Variants in TMEM232 observed in about 807,000 individuals in gnomAD.
TMEM232 encodes transmembrane protein 232.
TMEM232 carries 80 observed loss-of-function variants against 78.8 expected under a neutral mutation model. The ratio of observed to expected loss-of-function variants is 1.01; its 90% CI spans 0.85 to 1.22. The LOEUF (loss-of-function observed/expected upper bound fraction) is 1.22. Ranked by LOEUF, TMEM232 falls within the 50% of genes most tolerant of loss-of-function variation. The pLI is 0.00. For synonymous variants in TMEM232, 297 were observed against 254.3 expected (o/e 1.17, Z -1.60); for missense variants, 881 against 742.2 (o/e 1.19, Z -2.17).
At chr5:110,462,056 A>G (rs1761590248) in intron 12 of TMEM232, among the ~76,000 whole-genome samples, 1 of 152,196 alleles carries the variant, frequency 6.6e-6, no homozygotes, top group Non-Finnish European at 1.5e-5. Flanking sequence ...AAATCTTCTA[A>G]TTTAAGAAAT....
At chr5:110,731,814 G>T (rs974566498) in intron 2 of TMEM232, among the ~76,000 whole-genome samples, 14 of 152,330 alleles carry the variant, frequency 9.2e-5, no homozygotes, top group Admixed American at 5.2e-4. Flanking sequence ...CCATGGTCTT[G>T]GGGATTAACA....
intron 12 of TMEM232, among the ~76,000 whole-genome samples, chr5:110,496,449 T>C (rs147325238): frequency 4.6e-5 from 7 of 152,156 alleles, no homozygotes; most frequent in South Asian, 4.1e-4. Flanking sequence ...GTTGCATTTA[T>C]AGAAATTGTT....
chr5:110,606,827 G>A (rs1446285662), intron 8 of TMEM232, among the ~76,000 whole-genome samples: 2 of 151,556 alleles, frequency 1.3e-5, no homozygotes, highest in Non-Finnish European at 2.9e-5. Context: ...TATAAAAACT[G>A]GGAAATCATA....
intron 12 of TMEM232, among the ~76,000 whole-genome samples, chr5:110,491,085 G>C (rs1261567223): frequency 6.6e-6 from 1 of 152,022 alleles, no homozygotes; most frequent in Non-Finnish European, 1.5e-5. Flanking sequence ...TCTGATAGGG[G>C]ACTTGTGACC....
At chr5:110,583,388 T>C (rs1176677527) in intron 10 of TMEM232, among the ~76,000 whole-genome samples, 1 of 151,928 alleles carries the variant, frequency 6.6e-6, no homozygotes, top group Admixed American at 6.6e-5. Context: ...GAATATATAA[T>C]GGGAAAAGGA....
chr5:110,433,874 G>C (rs1391475512), intron 12 of TMEM232, among the ~76,000 whole-genome samples: 1 of 151,938 alleles, frequency 6.6e-6, no homozygotes, highest in African/African-American at 2.4e-5. Flanking sequence ...TGCGGGATTT[G>C]GTTTGCTAGT....
chr5:110,449,823 C>T (rs1177828693), intron 12 of TMEM232, among the ~76,000 whole-genome samples: 1 of 152,056 alleles, frequency 6.6e-6, no homozygotes, highest in East Asian at 1.9e-4. Context: ...TGTTCTTTTT[C>T]CTTTTTCTCT....
chr5:110,420,747 C>G lies in TMEM232; in HGVS notation c.1807G>C (p.Glu603Gln). 6.6e-7 allele frequency: 1 copy of G among 1,520,738 alleles called. No homozygotes were observed. The highest frequency in any genetic ancestry group is 8.8e-7 in the Non-Finnish European group (1 of 1,142,210). 94.2% of individuals were successfully genotyped at this position (1,520,738 alleles called of 1,614,324 possible). A position where few individuals can be genotyped will look rare whatever the true frequency, so the allele number is the denominator to read the frequency against. Residue 603 changes from glutamate to glutamine, a missense_variant, in exon 14 of 14, where the codon GAG becomes CAG. By Grantham distance (29) the Glu-to-Gln change is conservative (BLOSUM62 2). Coordinates refer to ENST00000455884, the MANE Select transcript of TMEM232 (RefSeq NM_001039763.4). ...AKIIDHHWQE[E>Q]LKIREKEDAI... is the part of the protein sequence containing the mutation. Reference sequence around the variant, plus strand: ...TCTTCTTTTTCTCGGATCTTTAGCTCTTCCTGCCACTGTTACAGAGAGAAA... The same window carrying G: ...TCTTCTTTTTCTCGGATCTTTAGCTGTTCCTGCCACTGTTACAGAGAGAAA...
chr5:110,417,090 C>T (rs941467725), downstream of TMEM232, among the ~76,000 whole-genome samples: 1 of 152,080 alleles, frequency 6.6e-6, no homozygotes, highest in Non-Finnish European at 1.5e-5. Flanking sequence ...TAAGAGAAAC[C>T]TATGGAAACT....
intron 1 of TMEM232, among the ~76,000 whole-genome samples, chr5:110,719,286 C>A (rs1290156838): frequency 2.0e-5 from 3 of 152,014 alleles, no homozygotes; most frequent in African/African-American, 7.2e-5. Context: ...TATATACACA[C>A]ACACACATAT....
chr5:110,543,004 C>A (rs988638622), intron 11 of TMEM232, among the ~76,000 whole-genome samples: 2 of 152,170 alleles, frequency 1.3e-5, no homozygotes, highest in African/African-American at 4.8e-5. Flanking sequence ...AGCCTGCTCC[C>A]ACCCTGGGAA....
In TMEM232 at chr5:110,524,774, G is replaced by A. The variant is rs184677581; in HGVS notation, c.1703+3814C>T. Reference sequence around the variant, plus strand: ...ATATCTTCTATTATTTTGTATTGCCGTCTATTTCTCCAATTCTGTCAATAT... The same window carrying A: ...ATATCTTCTATTATTTTGTATTGCCATCTATTTCTCCAATTCTGTCAATAT... On this transcript the variant is annotated intron_variant, in intron 12 of 13. Coordinates refer to ENST00000455884, the MANE Select transcript of TMEM232 (RefSeq NM_001039763.4). Among the ~76,000 whole-genome samples, 19 of 151,986 alleles carry A rather than the reference G, an allele frequency of 1.3e-4. No homozygotes were observed. The East Asian group carries it at 1.7e-3, about 14-fold the overall frequency.
intron 12 of TMEM232, among the ~76,000 whole-genome samples, chr5:110,457,482 C>G (rs529518263): frequency 1.6e-4 from 25 of 152,082 alleles, no homozygotes; most frequent in Admixed American, 1.1e-3. Context: ...ACCATATAAT[C>G]TAGAATTTCA....
At position 110,523,598 on chromosome 5, in the gene TMEM232, T is replaced by C. The variant is rs116797437; in HGVS notation, c.1703+4990A>G. Among the ~76,000 whole-genome samples the C allele has an allele frequency of 6.5e-3, 987 of 152,154 alleles. 9 individuals are homozygous for C. The highest frequency in any genetic ancestry group is 0.023 in the African/African-American group (934 of 41,452). On this transcript the variant is annotated intron_variant, in intron 12 of 13. Coordinates refer to ENST00000455884, the MANE Select transcript of TMEM232 (RefSeq NM_001039763.4). ...TTTCATTTTCATTTTACTCAAGGTA[T>C]TGCCTAATTTTAAAAAAATTATTCT...
intron 10 of TMEM232, among the ~76,000 whole-genome samples, chr5:110,581,501 T>G (rs1429841666): frequency 1.3e-5 from 2 of 151,980 alleles, no homozygotes; most frequent in East Asian, 3.9e-4. Flanking sequence ...CCTTAAACTA[T>G]ATACAAAAAT....
chr5:110,635,322 C>T (rs1258089643), intron 5 of TMEM232, among the ~76,000 whole-genome samples: 1 of 152,014 alleles, frequency 6.6e-6, no homozygotes, highest in African/African-American at 2.4e-5. Context: ...GGAACTCTCC[C>T]TAACACATTT....
At chr5:110,485,232 A>G (rs1267124234) in intron 12 of TMEM232, among the ~76,000 whole-genome samples, 3 of 152,186 alleles carry the variant, frequency 2.0e-5, no homozygotes, top group Non-Finnish European at 4.4e-5. Context: ...AGAAGACTTG[A>G]AAAATACCTA....
At chr5:110,735,811 G>A (rs561094689) in intron 1 of TMEM232, among the ~76,000 whole-genome samples, 5 of 152,288 alleles carry the variant, frequency 3.3e-5, no homozygotes, top group Admixed American at 2.0e-4. Flanking sequence ...CTCATTAACA[G>A]CAATCAGCAA....
intron 10 of TMEM232, among the ~76,000 whole-genome samples, chr5:110,594,193 A>G (rs1779876157): frequency 6.6e-6 from 1 of 151,800 alleles, no homozygotes; most frequent in Admixed American, 6.6e-5. Context: ...TCACCCGGGA[A>G]GAGCAATGGG....
Sources: allele counts gnomAD v4.1 joint callset (sites outside exome capture counted in the v4.1 genomes callset), GRCh38; gene constraint gnomAD v4.1.1; transcripts MANE v1.5; gene names NCBI Gene and HGNC (gene_info 2026-07-23, HGNC 2026-07-21).